The following NDUFAF2 variants were observed in gnomAD, a reference collection of about 807,000 sequenced individuals.
NDUFAF2 encodes the protein NADH:ubiquinone oxidoreductase complex assembly factor 2, also known as NADH dehydrogenase [ubiquinone] 1 alpha subcomplex assembly factor 2.
A neutral mutation model predicts 22.8 loss-of-function variants in NDUFAF2; 13 were observed. The ratio of observed to expected loss-of-function variants is 0.57; its 90% CI spans 0.37 to 0.91. The LOEUF (loss-of-function observed/expected upper bound fraction) is 0.91, where lower values mean the gene tolerates loss of function less well. Among genes scored for constraint, NDUFAF2 ranks in the 40% least tolerant of loss-of-function variants. The pLI is 0.01. For missense variants in NDUFAF2, 162 were observed against 195.2 expected (o/e 0.83, Z 1.01); for synonymous variants, 53 against 64.2 (o/e 0.83, Z 0.84).
At chr5:61,060,842 G>C (rs1192330560) in intron 1 of NDUFAF2, among the ~76,000 whole-genome samples, 1 of 152,038 alleles carries the variant, frequency 6.6e-6, no homozygotes, top group Non-Finnish European at 1.5e-5. Context: ...CCTTTGATTT[G>C]GTACTAGTGG....
rs779547425 is a variant in NDUFAF2 at position 61,053,283 on chromosome 5, CTGTT to C, written c.128-19837_128-19834del. Among the ~76,000 whole-genome samples the C allele has an allele frequency of 6.9e-4, 105 of 152,282 alleles. 1 individual carries two copies. Among genetic ancestry groups the C allele is most frequent in the Non-Finnish European group, 7.8e-4 (53 of 68,012 alleles). On this transcript the variant is annotated intron_variant, in intron 1 of 3. Transcript: ENST00000296597. ...TTTAAACTACGTAGTTTTTTAGAGT[CTGTT>C]TGTTACTGCAGCTTAGCCAATCCCA... is the stretch of plus-strand genomic sequence containing the variant.
intron 1 of NDUFAF2, among the ~76,000 whole-genome samples, chr5:60,974,459 G>A (rs1750875816): frequency 6.6e-6 from 1 of 152,164 alleles, no homozygotes; most frequent in African/African-American, 2.4e-5. Flanking sequence ...GATTGTGTGA[G>A]TCAGTACTCT....
At chr5:60,974,911 G>T (rs1750882300) in intron 1 of NDUFAF2, among the ~76,000 whole-genome samples, 1 of 152,034 alleles carries the variant, frequency 6.6e-6, no homozygotes, top group East Asian at 1.9e-4. Flanking sequence ...CTCCTCCCGG[G>T]TTCAAGCATT....
intron 1 of NDUFAF2, among the ~76,000 whole-genome samples, chr5:60,981,327 A>G (rs1750974679): frequency 6.6e-6 from 1 of 152,222 alleles, no homozygotes; most frequent in African/African-American, 2.4e-5. Flanking sequence ...TTAGAATAGT[A>G]TATCTGGCAA....
At chr5:61,005,541 C>G (rs545867976) in intron 1 of NDUFAF2, among the ~76,000 whole-genome samples, 2 of 152,260 alleles carry the variant, frequency 1.3e-5, no homozygotes, top group African/African-American at 2.4e-5. Context: ...TGAACTAGTT[C>G]ACAGTCCCAC....
intron 1 of NDUFAF2, among the ~76,000 whole-genome samples, chr5:60,953,273 T>C (rs1189593237): frequency 1.3e-5 from 2 of 151,798 alleles, no homozygotes; most frequent in Non-Finnish European, 2.9e-5. Context: ...GAGTTCAGGG[T>C]TTTTTTTAAA....
At chr5:60,948,135 T>TA (rs1356438215) in intron 1 of NDUFAF2, among the ~76,000 whole-genome samples, 1 of 152,236 alleles carries the variant, frequency 6.6e-6, no homozygotes, top group Admixed American at 6.5e-5. Flanking sequence ...AGTCTTGCCT[T>TA]ATGCTTCTGC....
At chr5:60,956,770 A>G (rs1750621850) in intron 1 of NDUFAF2, among the ~76,000 whole-genome samples, 1 of 152,156 alleles carries the variant, frequency 6.6e-6, no homozygotes, top group Non-Finnish European at 1.5e-5. Context: ...TATTTTCTAT[A>G]CTTTCTGTAT....
intron 3 of NDUFAF2, among the ~76,000 whole-genome samples, chr5:61,113,835 G>A (rs1204452055): frequency 6.6e-6 from 1 of 150,860 alleles, no homozygotes; most frequent in Non-Finnish European, 1.5e-5. Context: ...TTTCCCTTCA[G>A]TACATTAAAT....
At chr5:61,103,205 C>T (rs1561565707) in intron 3 of NDUFAF2, among the ~76,000 whole-genome samples, 1 of 152,102 alleles carries the variant, frequency 6.6e-6, no homozygotes, top group East Asian at 1.9e-4. Flanking sequence ...TTGGGCCCAG[C>T]CCGACTTTCT....
intron 1 of NDUFAF2, among the ~76,000 whole-genome samples, chr5:61,065,059 GTAC>G (rs1427068610): frequency 4.6e-5 from 7 of 152,000 alleles, no homozygotes; most frequent in Admixed American, 2.0e-4. Context: ...AGGTCATACA[GTAC>G]TATTATGTAC....
intron 2 of NDUFAF2, among the ~76,000 whole-genome samples, chr5:61,076,885 G>A (rs867814528): frequency 3.9e-5 from 6 of 152,254 alleles, no homozygotes; most frequent in Middle Eastern, 3.4e-3. Flanking sequence ...GGTAAAAGTA[G>A]GACCAACAGG....
intron 3 of NDUFAF2, among the ~76,000 whole-genome samples, chr5:61,112,210 TC>T (rs747064269): frequency 4.1e-4 from 55 of 134,060 alleles, no homozygotes; most frequent in Admixed American, 6.7e-4. Flanking sequence ...ACCTTCTTTA[TC>T]CCCCCCCCTT....
At position 61,122,982 on chromosome 5, in the gene NDUFAF2, G is replaced by A. The variant is rs567395750; in HGVS notation, c.258+23950G>A. On this transcript the variant is annotated intron_variant, in intron 3 of 3. Coordinates refer to ENST00000296597, the MANE Select transcript of NDUFAF2 (RefSeq NM_174889.5). ...ATAAACCTTGATACCTGGTATCAAGGGGATAGAAGCTAATGGATAAAAGTT... is the reference window on the plus strand; with the variant it reads ...ATAAACCTTGATACCTGGTATCAAGAGGATAGAAGCTAATGGATAAAAGTT... Among the ~76,000 whole-genome samples, 335 of 152,194 alleles carry A rather than the reference G, an allele frequency of 2.2e-3. 1 individual carries two copies. Among genetic ancestry groups the A allele is most frequent in the Non-Finnish European group, 4.1e-3 (280 of 68,000 alleles).
intron 1 of NDUFAF2, among the ~76,000 whole-genome samples, chr5:61,038,253 A>G (rs1329315737): frequency 6.6e-6 from 1 of 152,314 alleles, no homozygotes; most frequent in African/African-American, 2.4e-5. Context: ...GACATTTGAG[A>G]AGACTAAGTG....
intron 1 of NDUFAF2, among the ~76,000 whole-genome samples, chr5:61,061,822 C>T (rs137868470): frequency 2.2e-4 from 34 of 152,300 alleles, no homozygotes; most frequent in Middle Eastern, 3.4e-3. Flanking sequence ...CTAAGACTCA[C>T]CACTGTGAGG....
intron 1 of NDUFAF2, among the ~76,000 whole-genome samples, chr5:61,025,679 C>A (rs1363011071): frequency 6.6e-6 from 1 of 151,780 alleles, no homozygotes; most frequent in Non-Finnish European, 1.5e-5. Flanking sequence ...GTCTCATTAA[C>A]CTTGAAGTTA....
At chr5:61,147,350 G>A (rs1741154055) in intron 3 of NDUFAF2, among the ~76,000 whole-genome samples, 1 of 150,774 alleles carries the variant, frequency 6.6e-6, no homozygotes, top group South Asian at 2.1e-4. Flanking sequence ...CTGGGCTCAA[G>A]TGATCCTCCC....
intron 1 of NDUFAF2, among the ~76,000 whole-genome samples, chr5:61,045,385 C>T (rs1343220684): frequency 5.3e-5 from 8 of 149,872 alleles, no homozygotes; most frequent in Non-Finnish European, 1.0e-4. Flanking sequence ...CTTTTATAGT[C>T]TTCAGTGTGC....
Sources: gnomAD v4.1 joint callset for allele counts (sites outside exome capture counted in the v4.1 genomes callset) on GRCh38, gnomAD v4.1.1 for gene constraint, MANE v1.5 for transcripts, NCBI Gene and HGNC (gene_info 2026-07-23, HGNC 2026-07-21) for gene names.